FAM13A: variants seen among roughly 807,000 people sequenced by gnomAD.
The protein encoded by FAM13A is family with sequence similarity 13 member A.
Under a neutral mutation model 129.6 loss-of-function variants are expected in FAM13A, and 76 were observed. The observed-to-expected ratio is 0.59, with a 90% CI of 0.49 to 0.71. The LOEUF is 0.71. FAM13A is among the 30% of genes least tolerant of loss of function. FAM13A has a pLI of 0.00. For missense variants in FAM13A, 1,108 were observed against 1,249.3 expected (o/e 0.89, Z 1.70); for synonymous variants, 443 against 449.9 (o/e 0.98, Z 0.20).
intron 5 of FAM13A, among the ~76,000 whole-genome samples, chr4:88,911,232 C>T (rs1287260956): frequency 6.6e-6 from 1 of 152,208 alleles, no homozygotes; most frequent in Non-Finnish European, 1.5e-5. Flanking sequence ...CCAATCATTG[C>T]ATTCACCTCA....
intron 4 of FAM13A, among the ~76,000 whole-genome samples, chr4:88,950,754 A>G (rs1247149432): frequency 6.6e-6 from 1 of 152,108 alleles, no homozygotes; most frequent in Non-Finnish European, 1.5e-5. Flanking sequence ...ATACGGGTGA[A>G]TTTTTCTATA....
At chr4:88,914,429 G>A (rs903458971) in intron 5 of FAM13A, among the ~76,000 whole-genome samples, 7 of 151,940 alleles carry the variant, frequency 4.6e-5, no homozygotes, top group South Asian at 4.2e-4. Flanking sequence ...CCCTCTCCTC[G>A]TTATGCCCCA....
At position 89,036,248 on chromosome 4, in the gene FAM13A, T is replaced by C. The variant is rs1054935141; in HGVS notation, c.28-6599A>G. On this transcript the variant is annotated intron_variant, in intron 1 of 23. Transcript: ENST00000264344. ...GTCTCAGATGGAGATGAGGAACTTA[T>C]TGAGAACTGGAGTAAAGGTTACTCT... Among the ~76,000 whole-genome samples the C allele has an allele frequency of 2.0e-5, 3 of 152,290 alleles. No individual in the cohort carries two copies. The South Asian group carries it at 6.2e-4, about 32-fold the overall frequency.
chr4:88,737,602 T>C, intron 20 of FAM13A, 47 bp from the exon 21 acceptor site: 1 of 1,501,494 alleles, frequency 6.7e-7, no homozygotes, highest in Non-Finnish European at 9.3e-7. Context: ...CCCCTTTCCC[T>C]TTCCCTCCAG....
chr4:88,780,515 C>T (rs903870934), intron 11 of FAM13A, among the ~76,000 whole-genome samples: 2 of 151,990 alleles, frequency 1.3e-5, no homozygotes, highest in African/African-American at 4.8e-5. Context: ...GAAACTAATA[C>T]ATTAAGGAAG....
At chr4:89,009,351 G>C (rs1765449719) in intron 3 of FAM13A, among the ~76,000 whole-genome samples, 1 of 152,188 alleles carries the variant, frequency 6.6e-6, no homozygotes, top group Non-Finnish European at 1.5e-5. Context: ...CCAGAGATAA[G>C]ACTCCCTTCA....
chr4:88,920,082 A>G (rs1750780769), intron 5 of FAM13A, among the ~76,000 whole-genome samples: 1 of 152,236 alleles, frequency 6.6e-6, no homozygotes, highest in Non-Finnish European at 1.5e-5. Context: ...CAGCTCAAGG[A>G]GGCCTGCCTG....
intron 4 of FAM13A, among the ~76,000 whole-genome samples, chr4:88,945,334 T>C (rs1305700040): frequency 6.6e-6 from 1 of 152,180 alleles, no homozygotes; most frequent in African/African-American, 2.4e-5. Flanking sequence ...GAGTTGAATA[T>C]AATGCCTGCT....
At chr4:89,022,092 A>G (rs1323762710) in intron 2 of FAM13A, among the ~76,000 whole-genome samples, 1 of 152,202 alleles carries the variant, frequency 6.6e-6, no homozygotes, top group Non-Finnish European at 1.5e-5. Flanking sequence ...GAATGTTAGC[A>G]ATGACATAAT....
At chr4:88,914,756 T>C (rs1031404050) in intron 5 of FAM13A, among the ~76,000 whole-genome samples, 2 of 152,252 alleles carry the variant, frequency 1.3e-5, no homozygotes, top group African/African-American at 4.8e-5. Flanking sequence ...GTAAACATAT[T>C]TGATCAGTGT....
intron 6 of FAM13A, among the ~76,000 whole-genome samples, chr4:88,903,237 G>T (rs1305910457): frequency 6.6e-6 from 1 of 152,092 alleles, no homozygotes; most frequent in Non-Finnish European, 1.5e-5. Context: ...GTTCTTCAGA[G>T]AATTAGAAAA....
intron 5 of FAM13A, among the ~76,000 whole-genome samples, chr4:88,935,035 A>T (rs1753632232): frequency 6.6e-6 from 1 of 152,228 alleles, no homozygotes; most frequent in South Asian, 2.1e-4. Context: ...AGGGGAAGTC[A>T]TACTGACAAA....
At chr4:88,964,202 C>T (rs1157179650) in intron 4 of FAM13A, among the ~76,000 whole-genome samples, 1 of 152,134 alleles carries the variant, frequency 6.6e-6, no homozygotes, top group Non-Finnish European at 1.5e-5. Context: ...AAACAGCTGG[C>T]TCAATTCAGT....
intron 4 of FAM13A, among the ~76,000 whole-genome samples, chr4:88,972,740 G>A (rs1760303155): frequency 6.6e-6 from 1 of 152,034 alleles, no homozygotes; most frequent in South Asian, 2.1e-4. Flanking sequence ...CCAAGTAGCT[G>A]GGACTACAGG....
intron 21 of FAM13A, among the ~76,000 whole-genome samples, chr4:88,734,045 A>G (rs941212445): frequency 2.0e-5 from 3 of 152,390 alleles, no homozygotes; most frequent in Admixed American, 6.5e-5. Flanking sequence ...GACAACCATC[A>G]TAAGTGTTGT....
At chr4:88,783,194 C>G (rs759951728) in intron 10 of FAM13A, among the ~76,000 whole-genome samples, 13 of 152,212 alleles carry the variant, frequency 8.5e-5, no homozygotes, top group Non-Finnish European at 1.3e-4. Context: ...TCTAATCACC[C>G]TGTTGTCCTA....
intron 13 of FAM13A, among the ~76,000 whole-genome samples, chr4:88,765,721 T>C (rs972010933): frequency 6.6e-6 from 1 of 152,184 alleles, no homozygotes; most frequent in African/African-American, 2.4e-5. Flanking sequence ...CCCAATCTTG[T>C]GGAATGATGT....
rs116701299 is a variant in FAM13A, at chr4:89,018,611, G to A, written c.427+1849C>T. 5.0e-3 allele frequency among the ~76,000 whole-genome samples: 762 copies of A among 152,326 alleles called. 6 individuals carry two copies. The highest frequency in any genetic ancestry group is 0.017 in the African/African-American group (701 of 41,574). On this transcript the variant is annotated intron_variant, in intron 3 of 23. Coordinates refer to ENST00000264344, the MANE Select transcript of FAM13A (RefSeq NM_014883.4). ...AGGTGAGACCAAACCCAGGTCTGGC[G>A]GCCTTGGGCCATCAACAGGCCACAA...
At chr4:88,758,105 A>G (rs1744058256) in intron 14 of FAM13A, among the ~76,000 whole-genome samples, 1 of 152,128 alleles carries the variant, frequency 6.6e-6, no homozygotes, top group African/African-American at 2.4e-5. Flanking sequence ...CCTCCCTGAA[A>G]CACAATTTTG....
Sources: gnomAD v4.1 joint callset for allele counts (sites outside exome capture counted in the v4.1 genomes callset) on GRCh38, gnomAD v4.1.1 for gene constraint, MANE v1.5 for transcripts, NCBI Gene and HGNC (gene_info 2026-07-23, HGNC 2026-07-21) for gene names.